Variants in STAG1 observed in about 807,000 individuals in gnomAD.
STAG1 encodes the protein STAG1 cohesin complex component, also known as cohesin subunit SA-1.
STAG1 carries 26 observed loss-of-function variants against 170.9 expected under a neutral mutation model. The observed-to-expected ratio is 0.15, with a 90% confidence interval of 0.11 to 0.21. STAG1 has a LOEUF of 0.21. STAG1 is among the 10% of genes least tolerant of loss of function. The probability of loss-of-function intolerance (pLI) is 1.00; values close to 1 mark genes in which losing one functional copy is unlikely to be tolerated. For synonymous variants in STAG1, 514 were observed against 497.7 expected (o/e 1.03, Z -0.44); for missense variants, 964 against 1,509.5 (o/e 0.64, Z 5.99).
At chr3:136,494,553 C>A (rs1361094972) in intron 9 of STAG1, among the ~76,000 whole-genome samples, 2 of 152,082 alleles carry the variant, frequency 1.3e-5, no homozygotes, top group African/African-American at 4.8e-5. Context: ...CAAACTGAAT[C>A]CAGTAGCATA....
chr3:136,648,706 C>A (rs1262411188), intron 1 of STAG1, among the ~76,000 whole-genome samples: 2 of 152,154 alleles, frequency 1.3e-5, no homozygotes, highest in African/African-American at 2.4e-5. Flanking sequence ...ACCCTTCTTC[C>A]CCTTCTACCA....
intron 1 of STAG1, among the ~76,000 whole-genome samples, chr3:136,719,687 GTGGATGGA>G (rs1217789868): frequency 8.0e-6 from 1 of 124,856 alleles, no homozygotes; most frequent in Non-Finnish European, 1.7e-5. Flanking sequence ...GGGTGGGTGG[GTGGATGGA>G]TGGATGGATG....
At chr3:136,547,836 C>T (rs1048547503) in intron 5 of STAG1, among the ~76,000 whole-genome samples, 5 of 152,102 alleles carry the variant, frequency 3.3e-5, no homozygotes, top group African/African-American at 7.2e-5. Context: ...TTCTAAGAGT[C>T]GGTAAGTTTC....
intron 28 of STAG1, among the ~76,000 whole-genome samples, chr3:136,352,173 T>C (rs954521773): frequency 2.0e-5 from 3 of 152,156 alleles, no homozygotes; most frequent in Non-Finnish European, 4.4e-5. Flanking sequence ...TATTTATTTA[T>C]TTTTTTGAGA....
At chr3:136,574,334 G>GTATATA in intron 4 of STAG1, among the ~76,000 whole-genome samples, 1 of 150,820 alleles carries the variant, frequency 6.6e-6, no homozygotes, top group East Asian at 2.0e-4. Flanking sequence ...ATATGTATGT[G>GTATATA]TGTGTGTATA....
intron 4 of STAG1, among the ~76,000 whole-genome samples, chr3:136,578,853 T>A (rs1230039842): frequency 2.0e-5 from 3 of 152,176 alleles, no homozygotes; most frequent in Non-Finnish European, 4.4e-5. Flanking sequence ...GGAAAAGACA[T>A]ACTTGGCAAC....
At position 136,501,534 on chromosome 3, in the gene STAG1, C is replaced by A. The variant is rs148364407; in HGVS notation, c.828+1094G>T. Among the ~76,000 whole-genome samples, 27 of 152,294 alleles carry A rather than the reference C, an allele frequency of 1.8e-4. No homozygotes were observed. The East Asian group carries it at 4.0e-3, about 23-fold the overall frequency. On this transcript the variant is annotated intron_variant, in intron 8 of 33. Transcript: ENST00000383202. ...AATTATGCTGCCACCAGCCAAGCAA[C>A]TACCAGACACTAGGAGAGAAGTCTG...
At chr3:136,433,321 A>T (rs901869888) in intron 16 of STAG1, among the ~76,000 whole-genome samples, 5 of 151,808 alleles carry the variant, frequency 3.3e-5, no homozygotes, top group African/African-American at 7.3e-5. Flanking sequence ...TATATATATA[A>T]AATACGTAAG....
chr3:136,593,659 C>G (rs1001361837), intron 4 of STAG1, among the ~76,000 whole-genome samples: 3 of 152,178 alleles, frequency 2.0e-5, no homozygotes, highest in Non-Finnish European at 4.4e-5. Context: ...AAACATCTAT[C>G]TTGTTTAAAC....
chr3:136,423,970 T>A (rs1385717166), intron 16 of STAG1, among the ~76,000 whole-genome samples: 1 of 151,788 alleles, frequency 6.6e-6, no homozygotes, highest in Non-Finnish European at 1.5e-5. Flanking sequence ...TTCTAGTGAT[T>A]CTCCTGCATC....
At chr3:136,745,470 G>A (rs976460526) in intron 1 of STAG1, among the ~76,000 whole-genome samples, 11 of 152,184 alleles carry the variant, frequency 7.2e-5, no homozygotes, top group African/African-American at 2.7e-4. Flanking sequence ...GGAATCAGAA[G>A]GTTTCAGGAT....
chr3:136,515,568 C>A (rs1362788223), intron 7 of STAG1, among the ~76,000 whole-genome samples: 7 of 151,958 alleles, frequency 4.6e-5, no homozygotes, highest in Admixed American at 4.6e-4. Context: ...ATAATTTGTC[C>A]AAAGTCACCA....
intron 22 of STAG1, among the ~76,000 whole-genome samples, chr3:136,394,750 C>G (rs1205376469): frequency 6.6e-6 from 1 of 151,618 alleles, no homozygotes; most frequent in Non-Finnish European, 1.5e-5. Context: ...GTTGGGAGTT[C>G]GAGACCAGCC....
At chr3:136,493,248 T>C (rs913274537) in intron 9 of STAG1, among the ~76,000 whole-genome samples, 6 of 151,316 alleles carry the variant, frequency 4.0e-5, no homozygotes, top group African/African-American at 1.5e-4. Flanking sequence ...GAGGCTGAGG[T>C]GGGAAGATCA....
chr3:136,521,198 A>C lies in STAG1; in HGVS notation c.676+15T>G. ...CAAAACTAAATGAAAAGGAAATAAA[A>C]TGTTAATTACTTACCAGCCAGGGTA... On this transcript the variant is annotated intron_variant, in intron 7 of 33. Coordinates refer to ENST00000383202, the MANE Select transcript of STAG1 (RefSeq NM_005862.3). The C allele has an allele frequency of 6.2e-7, 1 of 1,602,372 alleles. No individual in the cohort carries two copies. The highest frequency in any genetic ancestry group is 8.5e-7 in the Non-Finnish European group (1 of 1,170,384).
chr3:136,466,168 G>C (rs977817730), intron 12 of STAG1, among the ~76,000 whole-genome samples: 1 of 152,208 alleles, frequency 6.6e-6, no homozygotes, highest in African/African-American at 2.4e-5. Context: ...ACTTTCACGA[G>C]CTGACAGAAG....
intron 1 of STAG1, among the ~76,000 whole-genome samples, chr3:136,715,753 A>G (rs1034791167): frequency 6.6e-6 from 1 of 152,228 alleles, no homozygotes; most frequent in Admixed American, 6.5e-5. Context: ...AGACATTATC[A>G]ATAACTACTG....
chr3:136,669,320 GT>G (rs1387071169), intron 1 of STAG1, among the ~76,000 whole-genome samples: 1 of 152,052 alleles, frequency 6.6e-6, no homozygotes, highest in East Asian at 1.9e-4. Context: ...GGTCGTTGTT[GT>G]TTTTTGTTGT....
intron 2 of STAG1, among the ~76,000 whole-genome samples, chr3:136,625,353 G>A (rs1217288015): frequency 6.6e-6 from 1 of 152,024 alleles, no homozygotes; most frequent in Non-Finnish European, 1.5e-5. Context: ...CTATGCAAAT[G>A]ACTTCAATAC....
Sources: allele counts gnomAD v4.1 joint callset (sites outside exome capture counted in the v4.1 genomes callset), GRCh38; gene constraint gnomAD v4.1.1; transcripts MANE v1.5; gene names NCBI Gene and HGNC (gene_info 2026-07-23, HGNC 2026-07-21).